The following DLG2 variants were observed in gnomAD, a reference collection of about 807,000 sequenced individuals.
DLG2 encodes the protein discs large MAGUK scaffold protein 2.
A neutral mutation model predicts 132.5 loss-of-function variants in DLG2; 45 were observed. The ratio of observed to expected loss-of-function variants is 0.34; its 90% confidence interval spans 0.27 to 0.44. The LOEUF is 0.44. Among genes scored for constraint, DLG2 ranks in the 20% least tolerant of loss-of-function variants. The pLI is 1.00. For synonymous variants in DLG2, 424 were observed against 419.6 expected (o/e 1.01, Z -0.13); for missense variants, 1,045 against 1,196.9 (o/e 0.87, Z 1.87).
In DLG2 at chr11:83,769,992, A is replaced by C. The variant is rs138505095; in HGVS notation, c.1825+16698T>G. Among the ~76,000 whole-genome samples, 8 of 152,246 alleles carry C rather than the reference A, an allele frequency of 5.3e-5. No homozygotes were observed. In the East Asian group the frequency reaches 1.5e-3, roughly 29 times the overall value. On this transcript the variant is annotated intron_variant, in intron 18 of 27. Coordinates refer to ENST00000376104, the MANE Select transcript of DLG2 (RefSeq NM_001142699.3). Reference sequence around the variant, plus strand: ...CCAATCTGTGGTGCCCAAAAACCCAAGTTTATTTCTCTCTTAACACTGGCA... The same window carrying C: ...CCAATCTGTGGTGCCCAAAAACCCACGTTTATTTCTCTCTTAACACTGGCA...
chr11:85,282,010 T>C (rs1180920385), intron 4 of DLG2, among the ~76,000 whole-genome samples: 1 of 151,650 alleles, frequency 6.6e-6, no homozygotes, highest in African/African-American at 2.4e-5. Context: ...ATACACACAA[T>C]GGGAATTTAC....
intron 6 of DLG2, among the ~76,000 whole-genome samples, chr11:84,916,878 A>C (rs1306782033): frequency 6.6e-6 from 1 of 152,158 alleles, no homozygotes; most frequent in Non-Finnish European, 1.5e-5. Flanking sequence ...TTGCATGTGC[A>C]CTTTCTGCTA....
At chr11:85,309,376 G>A (rs1389072539) in intron 3 of DLG2, among the ~76,000 whole-genome samples, 1 of 149,196 alleles carries the variant, frequency 6.7e-6, no homozygotes, top group Non-Finnish European at 1.5e-5. Context: ...ATAGCAAACT[G>A]ATGAATTCCA....
At chr11:84,793,605 CACAA>C (rs2074172314) in intron 6 of DLG2, among the ~76,000 whole-genome samples, 1 of 152,144 alleles carries the variant, frequency 6.6e-6, no homozygotes, top group Non-Finnish European at 1.5e-5. Flanking sequence ...CATATATATT[CACAA>C]TTGTCATATC....
chr11:85,425,105 TA>T (rs1176118987), intron 3 of DLG2, among the ~76,000 whole-genome samples: 1 of 152,184 alleles, frequency 6.6e-6, no homozygotes, highest in African/African-American at 2.4e-5. Context: ...TATATGTGAA[TA>T]ACAGATTGTA....
chr11:84,500,350 A>G (rs1285198649), intron 7 of DLG2, among the ~76,000 whole-genome samples: 1 of 65,086 alleles, frequency 1.5e-5, no homozygotes, highest in Non-Finnish European at 4.0e-5. Context: ...TGGTTGCAAG[A>G]AAAAAAAAAA....
intron 6 of DLG2, among the ~76,000 whole-genome samples, chr11:84,690,953 T>A (rs1020919600): frequency 6.6e-6 from 1 of 151,880 alleles, no homozygotes; most frequent in Non-Finnish European, 1.5e-5. Flanking sequence ...AGAATTCTTA[T>A]AACATTGACA....
chr11:85,024,491 T>C (rs911294009), intron 6 of DLG2, among the ~76,000 whole-genome samples: 5 of 152,198 alleles, frequency 3.3e-5, no homozygotes, highest in Non-Finnish European at 7.4e-5. Flanking sequence ...GAAATTTGCA[T>C]AAATGCAGGC....
Position 84,059,398 on chromosome 11 carries a change from C to A in DLG2, c.836G>T (p.Gly279Val). The A allele has an allele frequency of 6.2e-7, 1 of 1,613,326 alleles. No homozygotes were observed. The highest frequency in any genetic ancestry group is 1.1e-5 in the South Asian group (1 of 90,932). ...ACGCACATACAGCCGAACGATAGAC[C>A]CTGCTTCCTTCAGGGCTTCCACCGC... Reference protein sequence around the residue: ...SKAVEALKEAGSIVRLYVRRR... With the variant: ...SKAVEALKEAVSIVRLYVRRR... Residue 279 changes from glycine (G) to valine (V), a missense_variant, in exon 11 of 28, where the codon GGG becomes GTG. This residue lies in a region of DLG2 where 109 missense variants were observed against 159.1 expected (regional missense o/e 0.69). Transcript: ENST00000376104.
intron 7 of DLG2, among the ~76,000 whole-genome samples, chr11:84,297,290 G>C (rs1370136772): frequency 6.6e-6 from 1 of 152,082 alleles, no homozygotes; most frequent in Admixed American, 6.5e-5. Context: ...TAGAAATCTA[G>C]GAACTTACTA....
At chr11:85,260,960 G>C (rs556942921) in intron 4 of DLG2, among the ~76,000 whole-genome samples, 1 of 152,236 alleles carries the variant, frequency 6.6e-6, no homozygotes, top group Non-Finnish European at 1.5e-5. Context: ...GGAAACAAAT[G>C]GTAGATTCTT....
chr11:85,051,573 A>C (rs1263408083), intron 6 of DLG2, among the ~76,000 whole-genome samples: 2 of 152,136 alleles, frequency 1.3e-5, no homozygotes, highest in Non-Finnish European at 2.9e-5. Flanking sequence ...GAGAAAACAG[A>C]TATTGAAAAA....
chr11:85,368,940 A>C (rs1285323035), intron 3 of DLG2, among the ~76,000 whole-genome samples: 1 of 152,118 alleles, frequency 6.6e-6, no homozygotes, highest in Non-Finnish European at 1.5e-5. Flanking sequence ...TAGTGGAGGT[A>C]CTCTGGATTT....
intron 14 of DLG2, among the ~76,000 whole-genome samples, chr11:83,949,788 T>C (rs1233401332): frequency 6.6e-6 from 1 of 152,156 alleles, no homozygotes; most frequent in Non-Finnish European, 1.5e-5. Context: ...CCAAAAGTCA[T>C]GCTACTTCCT....
intron 7 of DLG2, among the ~76,000 whole-genome samples, chr11:84,456,232 C>A (rs2099064980): frequency 6.6e-6 from 1 of 151,208 alleles, no homozygotes; most frequent in African/African-American, 2.4e-5. Flanking sequence ...TGATATGAAT[C>A]ATGACAAGTA....
intron 6 of DLG2, among the ~76,000 whole-genome samples, chr11:84,947,444 A>C (rs1394832113): frequency 6.6e-6 from 1 of 152,182 alleles, no homozygotes; most frequent in Non-Finnish European, 1.5e-5. Flanking sequence ...CCAGAGAAGA[A>C]CAAATATTAT....
rs1292552717 is a variant in DLG2, at chr11:83,513,794, C to T, written c.2193+18914G>A. ...CATTTATTAAATAGGGAATCCTTTC[C>T]CCATTTCTTGTTTTTGTCAGGTTTG... On this transcript the variant is annotated intron_variant, in intron 21 of 27. Transcript: ENST00000376104. 2.6e-5 allele frequency among the ~76,000 whole-genome samples: 4 copies of T among 152,238 alleles called. No individual in the cohort carries two copies. The East Asian group carries it at 7.7e-4, about 29-fold the overall frequency.
At chr11:84,694,056 T>A (rs1216697591) in intron 6 of DLG2, among the ~76,000 whole-genome samples, 2 of 151,624 alleles carry the variant, frequency 1.3e-5, no homozygotes, top group African/African-American at 4.8e-5. Context: ...CACAATCCCT[T>A]ATTCACCTCT....
intron 4 of DLG2, among the ~76,000 whole-genome samples, chr11:85,263,359 G>T (rs2077041764): frequency 1.3e-5 from 2 of 152,180 alleles, no homozygotes; most frequent in Non-Finnish European, 2.9e-5. Context: ...GAGAGAGGGG[G>T]TCTGAGTTCC....
Sources: allele counts gnomAD v4.1 joint callset (sites outside exome capture counted in the v4.1 genomes callset), GRCh38; gene constraint gnomAD v4.1.1; regional missense constraint gnomAD v4.1.1; transcripts MANE v1.5; gene names NCBI Gene and HGNC (gene_info 2026-07-23, HGNC 2026-07-21).